The following PACS2 variants were observed in gnomAD, a reference collection of about 807,000 sequenced individuals.
PACS2 encodes PACS1-like protein.
Under a neutral mutation model 113.0 loss-of-function variants are expected in PACS2, and 36 were observed. The observed-to-expected ratio is 0.32, with a 90% CI of 0.24 to 0.42. PACS2 has a LOEUF of 0.42. Ranked by LOEUF, PACS2 falls within the 10% of genes least tolerant of loss-of-function variation. PACS2 has a pLI of 1.00. For synonymous variants in PACS2, 589 were observed against 536.1 expected, an observed-to-expected ratio of 1.10 and a Z score of -1.36; for missense variants, 1,015 against 1,239.5, an observed-to-expected ratio of 0.82 and a Z score of 2.72.
At position 105,391,707 on chromosome 14, in the gene PACS2, G is replaced by C; in HGVS notation, c.2196G>C (p.Lys732Asn). ...CGCCGTCCGCATCTCCTGCGGCCAA[G>C]GAGGCCTCACCCACCCCGCCCTCCT... ...STPPSASPAA[K>N]EASPTPPSSP... is the part of the protein sequence containing the mutation. Residue 732 changes from lysine to asparagine, a missense_variant, in exon 22 of 25, where the codon AAG becomes AAC. By Grantham distance (94) the Lys-to-Asn change is moderately conservative. Coordinates refer to ENST00000447393, the MANE Select transcript of PACS2 (RefSeq NM_001100913.3). The C allele has an allele frequency of 6.2e-7, 1 of 1,604,152 alleles. No individual in the cohort carries two copies. Among genetic ancestry groups the C allele is most frequent in the South Asian group, 1.1e-5 (1 of 89,258 alleles).
At chr14:105,379,626 T>C in intron 9 of PACS2, 113 bp from the exon 10 acceptor site, 3 of 838,012 alleles carry the variant, frequency 3.6e-6, no homozygotes, top group Non-Finnish European at 2.0e-6. Flanking sequence ...CCAGCTCTGC[T>C]CTGCCGTTGG....
chr14:105,385,691 G>A lies in PACS2; in HGVS notation c.2007G>A (p.Lys669=), dbSNP rs2081153546. Residue 669 remains lysine (K), a synonymous_variant, in exon 19 of 25, where the codon AAG becomes AAA. Coordinates refer to ENST00000447393, the MANE Select transcript of PACS2 (RefSeq NM_001100913.3). ...AMLTYKQKRK[K]HFHFDFTLSP... ...TTGGTGGCTTTCTGAAAAGGAAAAA[G>A]CATTTTCATTTTGACTTTACCCTAA... 1 of 1,521,492 alleles carries A rather than the reference G, an allele frequency of 6.6e-7. No homozygotes were observed. The highest frequency in any genetic ancestry group is 8.8e-7 in the Non-Finnish European group (1 of 1,137,914). 94.2% of individuals were successfully genotyped at this position (1,521,492 alleles called of 1,614,324 possible).
Position 105,367,322 on chromosome 14 carries a change from C to T in PACS2, c.533C>T (p.Pro178Leu). The T allele has an allele frequency of 6.2e-7, 1 of 1,613,438 alleles. No individual in the cohort carries two copies. The highest frequency in any genetic ancestry group is 8.5e-7 in the Non-Finnish European group (1 of 1,180,000). ...EIWIASLSSQ[P>L]IDHEDSTMQA... ...TGGATCGCCTCCCTGTCCAGCCAGCCCATTGACCACGAAGACAGCACCATG... is the reference window on the plus strand; with the variant it reads ...TGGATCGCCTCCCTGTCCAGCCAGCTCATTGACCACGAAGACAGCACCATG... The change falls in exon 5 of 25, where the codon CCC becomes CTC. Residue 178 changes from proline (P) to leucine (L), a missense_variant. Physicochemically the swap from Pro to Leu is moderately conservative, Grantham distance 98 (BLOSUM62 -3). Transcript: ENST00000447393.
intron 19 of PACS2, 66 bp from the exon 20 acceptor site, chr14:105,389,895 G>T: frequency 7.0e-7 from 1 of 1,431,334 alleles, no homozygotes; most frequent in African/African-American, 1.4e-5. Flanking sequence ...GGCCAAGAGG[G>T]AGCTGTGCCC....
In PACS2 at chr14:105,365,191, G is replaced by A. The variant is rs1272629702; in HGVS notation, c.424-2022G>A. 1.3e-5 allele frequency among the ~76,000 whole-genome samples: 2 copies of A among 152,166 alleles called. No homozygotes were observed. The highest frequency in any genetic ancestry group is 2.9e-5 in the Non-Finnish European group (2 of 68,016). ...GAGGGTGGTCTCAGGGTCAGCAGGG[G>A]CAGGAGTGGGAATGGCCACAGTCCA... On this transcript the variant is annotated intron_variant, in intron 4 of 24. Coordinates refer to ENST00000447393, the MANE Select transcript of PACS2 (RefSeq NM_001100913.3). The surrounding 1 kb of genome is among the most constrained non-coding windows in gnomAD (Gnocchi z 5.1).
At chr14:105,342,860 G>C (rs377622998) in intron 1 of PACS2, among the ~76,000 whole-genome samples, 8 of 151,448 alleles carry the variant, frequency 5.3e-5, no homozygotes, top group African/African-American at 1.2e-4. Context: ...GCTTGAACCC[G>C]GGAGGCGGAG....
intron 24 of PACS2, 40 bp from the exon 25 acceptor site, chr14:105,394,514 C>A: frequency 6.2e-7 from 1 of 1,606,012 alleles, no homozygotes; most frequent in South Asian, 1.1e-5. Flanking sequence ...GTGGGCAGGC[C>A]GGGCAGGGGG....
At chr14:105,389,592 A>C in intron 19 of PACS2, 1 of 263,360 alleles carries the variant, frequency 3.8e-6, no homozygotes, top group Non-Finnish European at 7.5e-6. Context: ...GGGAAGTGGA[A>C]ATGCAAGCCG....
chr14:105,315,005 G>A lies in PACS2; in HGVS notation c.87G>A (p.Glu29=). 8.0e-7 allele frequency: 1 copy of A among 1,256,482 alleles called. No homozygotes were observed. The highest frequency in any genetic ancestry group is 1.0e-6 in the Non-Finnish European group (1 of 980,582). 77.8% of individuals were successfully genotyped at this position (1,256,482 alleles called of 1,614,324 possible). ...PVPMNLFATW[E]VDGSSPSCVP... ...CCATGAACCTGTTCGCCACCTGGGA[G>A]GTGGACGGCTCCAGCCCCAGCTGCG... The change falls in exon 1 of 25, where the codon GAG becomes GAA. Residue 29 remains glutamate, a synonymous_variant. Coordinates refer to ENST00000447393, the MANE Select transcript of PACS2 (RefSeq NM_001100913.3). The surrounding 1 kb of genome is among the most constrained non-coding windows in gnomAD (Gnocchi z 4.4).
intron 4 of PACS2, among the ~76,000 whole-genome samples, chr14:105,363,458 G>A (rs977050320): frequency 3.9e-5 from 6 of 152,294 alleles, no homozygotes; most frequent in African/African-American, 9.6e-5. Flanking sequence ...TTATGGAGAC[G>A]GCTGCTTTAC....
intron 1 of PACS2, among the ~76,000 whole-genome samples, chr14:105,346,336 G>A (rs1489443445): frequency 1.3e-5 from 2 of 152,016 alleles, no homozygotes; most frequent in Non-Finnish European, 2.9e-5. Flanking sequence ...GGAACAGGCC[G>A]CCCTGTGCAT....
intron 4 of PACS2, among the ~76,000 whole-genome samples, chr14:105,364,285 GGCGGCCTGCGGGT>G (rs2060843739): frequency 6.6e-6 from 1 of 151,420 alleles, no homozygotes; most frequent in African/African-American, 2.4e-5. Flanking sequence ...CGCGGTGGGC[GGCGGCCTGCGGGT>G]GTGGTGGGCG....
At chr14:105,377,266 G>A (rs1555410699) in intron 9 of PACS2, among the ~76,000 whole-genome samples, 1 of 152,192 alleles carries the variant, frequency 6.6e-6, no homozygotes. Context: ...GGGAACTGCA[G>A]GGGACCTCCG....
At chr14:105,361,410 G>A (rs2060673218) in intron 4 of PACS2, among the ~76,000 whole-genome samples, 1 of 152,366 alleles carries the variant, frequency 6.6e-6, no homozygotes, top group East Asian at 1.9e-4. Context: ...GCCAGGGCGG[G>A]TGGATTACCT....
intron 9 of PACS2, among the ~76,000 whole-genome samples, chr14:105,377,216 G>A (rs1418708997): frequency 2.0e-5 from 3 of 152,180 alleles, no homozygotes; most frequent in Non-Finnish European, 2.9e-5. Context: ...GGCTGGGTGT[G>A]GCACCCCGTT....
chr14:105,359,587 CTTTTTTTTTTTT>C lies in PACS2; in HGVS notation c.423+4421_423+4432del, dbSNP rs1162190552. On this transcript the variant is annotated intron_variant, in intron 4 of 24. Coordinates refer to ENST00000447393, the MANE Select transcript of PACS2 (RefSeq NM_001100913.3). ...CCTCCCAAAGTGTTGGTATTTCTTT[CTTTTTTTTTTTT>C]TTTTTTTTTTGAGACAGAATCTCGC... 1.9e-3 allele frequency among the ~76,000 whole-genome samples: 189 copies of C among 101,794 alleles called. 2 individuals carry two copies. Among genetic ancestry groups the C allele is most frequent in the African/African-American group, 7.5e-3 (185 of 24,548 alleles). The allele number at this position is 101,794 out of a possible 152,430, so 66.8% of individuals were successfully genotyped here. A position where few individuals can be genotyped will look rare whatever the true frequency, so the allele number is the denominator to read the frequency against.
At chr14:105,349,066 G>C (rs1276896895) in intron 2 of PACS2, among the ~76,000 whole-genome samples, 1 of 152,228 alleles carries the variant, frequency 6.6e-6, no homozygotes, top group Non-Finnish European at 1.5e-5. Flanking sequence ...CTTTGAACAA[G>C]TAGCGGTTCC....
At chr14:105,322,454 C>T (rs761018063) in intron 1 of PACS2, among the ~76,000 whole-genome samples, 6 of 151,702 alleles carry the variant, frequency 4.0e-5, no homozygotes, top group South Asian at 2.1e-4. Context: ...TTAGTAGAGA[C>T]GGGGTTTCAC....
intron 19 of PACS2, among the ~76,000 whole-genome samples, 180 bp downstream of exon 19, chr14:105,385,897 G>A (rs896786320): frequency 2.3e-4 from 35 of 152,132 alleles, no homozygotes; most frequent in Non-Finnish European, 2.9e-4. Context: ...GCCCCAACCC[G>A]AGTCACTTTT....
Sources: gnomAD v4.1 joint callset for allele counts (sites outside exome capture counted in the v4.1 genomes callset) on GRCh38, gnomAD v4.1.1 for gene constraint, Gnocchi (gnomAD v3.1) non-coding constraint, MANE v1.5 for transcripts, NCBI Gene and HGNC (gene_info 2026-07-23, HGNC 2026-07-21) for gene names.